Variants in KCTD19 observed in about 807,000 individuals in gnomAD.
The protein encoded by KCTD19 is BTB/POZ domain-containing protein KCTD19.
In KCTD19, 67 loss-of-function variants were observed where a neutral mutation model predicts 103.5. The ratio of observed to expected loss-of-function variants is 0.65; its 90% CI spans 0.53 to 0.79. The LOEUF is 0.79. KCTD19 is among the 30% of genes least tolerant of loss of function. KCTD19 has a pLI of 0.00. For synonymous variants in KCTD19, 439 were observed against 452.2 expected, an observed-to-expected ratio of 0.97 and a Z score of 0.37; for missense variants, 980 against 1,136.1, an observed-to-expected ratio of 0.86 and a Z score of 1.98.
At chr16:67,289,781 G>T (rs551208049) in intron 15 of KCTD19, 99 bp from the exon 16 acceptor site, 2 of 815,136 alleles carry the variant, frequency 2.5e-6, no homozygotes, top group East Asian at 2.6e-5. Context: ...GACAGGGCAA[G>T]CCCGGCTGTT....
intron 14 of KCTD19, 24 bp from the exon 15 acceptor site, chr16:67,291,010 G>A (rs1376718460): frequency 6.2e-7 from 1 of 1,610,542 alleles, no homozygotes; most frequent in Non-Finnish European, 8.5e-7. Context: ...CCACAGTCAG[G>A]CAGTGCTAGG....
chr16:67,297,892 G>A (rs2036784985), intron 6 of KCTD19, among the ~76,000 whole-genome samples: 2 of 152,006 alleles, frequency 1.3e-5, no homozygotes, highest in African/African-American at 4.8e-5. Context: ...CCAGGTTCAA[G>A]CAATTCTCCT....
intron 4 of KCTD19, chr16:67,302,773 G>A (rs2036848248): frequency 8.8e-6 from 2 of 227,668 alleles, no homozygotes; most frequent in Non-Finnish European, 1.7e-5. Context: ...TCATTTTATG[G>A]TGAGAGGAAC....
Position 67,290,908 on chromosome 16 carries a change from C to T in KCTD19, c.2644G>A (p.Glu882Lys), listed in dbSNP as rs1210488903. 1 of 1,613,880 alleles carries T rather than the reference C, an allele frequency of 6.2e-7. No homozygotes were observed. The highest frequency in any genetic ancestry group is 2.2e-5 in the East Asian group (1 of 44,876). ...ACCTCCACCCAGCTGTACAGGCGCT[C>T]CTGGGTGTGCCGGTCATCCTTGAAG... ...TGFKDDRHTQ[E>K]RLYSWVELTL... The change falls in exon 15 of 16, where the codon GAG becomes AAG. Residue 882 changes from glutamate (E) to lysine (K), a missense_variant. Physicochemically the swap from Glu to Lys is moderately conservative, Grantham distance 56. Transcript: ENST00000304372.
chr16:67,295,392 A>G lies in KCTD19; in HGVS notation c.1262T>C (p.Leu421Pro). The change falls in exon 9 of 16, where the codon CTG becomes CCG. Residue 421 changes from leucine (L) to proline (P), a missense_variant. Physicochemically the swap from Leu to Pro is moderately conservative, Grantham distance 98 (BLOSUM62 -3). Coordinates refer to ENST00000304372, the MANE Select transcript of KCTD19 (RefSeq NM_001100915.3). ...LQTLLKYPEL[L>P]SNPQRVYWIT... Reference sequence around the variant, plus strand: ...CCAGTACACTCTCTGAGGGTTGGACAGCAGTTCTGGATACTGGAGGGGGTT... The same window carrying G: ...CCAGTACACTCTCTGAGGGTTGGACGGCAGTTCTGGATACTGGAGGGGGTT... 1 of 1,612,862 alleles carries G rather than the reference A, an allele frequency of 6.2e-7. No homozygotes were observed. The highest frequency in any genetic ancestry group is 1.7e-5 in the Admixed American group (1 of 59,996).
chr16:67,291,496 C>T, intron 13 of KCTD19, 33 bp from the exon 14 acceptor site: 1 of 1,605,834 alleles, frequency 6.2e-7, no homozygotes, highest in Non-Finnish European at 8.5e-7. Context: ...GTGGCCACAT[C>T]TGTCAATAGC....
Position 67,326,703 on chromosome 16 carries a change from A to G in KCTD19, c.3+2T>C. On this transcript the variant is annotated splice_donor_variant, in intron 1 of 15. Transcript: ENST00000304372. LOFTEE classifies it high-confidence loss of function. ...GCGCCCCCGCCAGAGCGGGCTCCGTACCATGGTCGCGGCTCCAGCAGCGGG... is the reference window on the plus strand; with the variant it reads ...GCGCCCCCGCCAGAGCGGGCTCCGTGCCATGGTCGCGGCTCCAGCAGCGGG... 1 of 1,578,684 alleles carries G rather than the reference A, an allele frequency of 6.3e-7. No homozygotes were observed. The highest frequency in any genetic ancestry group is 8.6e-7 in the Non-Finnish European group (1 of 1,167,242).
Position 67,293,941 on chromosome 16 carries a change from G to A in KCTD19, c.1821C>T (p.Ser607=). 6.2e-7 allele frequency: 1 copy of A among 1,614,098 alleles called. No homozygotes were observed. The highest frequency in any genetic ancestry group is 8.5e-7 in the Non-Finnish European group (1 of 1,180,014). The change falls in exon 12 of 16, where the codon AGC becomes AGT. Residue 607 remains serine, a synonymous_variant. Coordinates refer to ENST00000304372, the MANE Select transcript of KCTD19 (RefSeq NM_001100915.3). This position sits in a 1 kb window ranked among gnomAD's most constrained non-coding sequence, Gnocchi z 4.0. ...TTGTGGTGCATTTCTTCTTTGGGGG[G>A]CTCTCAGGGTGGCTCCCCCAGTGTC... ...NPGHWGSHPE[S]PPKKKCTTIN...
intron 14 of KCTD19, 98 bp from the exon 15 acceptor site, chr16:67,291,084 G>C (rs2036685617): frequency 8.2e-6 from 11 of 1,344,556 alleles, no homozygotes; most frequent in South Asian, 6.5e-5. Context: ...CAGAGCCACA[G>C]GGGTAGGGGG....
At position 67,291,787 on chromosome 16, in the gene KCTD19, G is replaced by C. The variant is rs933270356; in HGVS notation, c.2269C>G (p.Leu757Val). 6.2e-7 allele frequency: 1 copy of C among 1,614,020 alleles called. No homozygotes were observed. The highest frequency in any genetic ancestry group is 1.7e-5 in the Admixed American group (1 of 60,020). ...PLPEASEVDS[L>V]GVILKVTHPP... ...TGAGTCACTTTGAGGATAACCCCTA[G>C]GCTGTCCACCTCACTGGCCTCGGGC... The change falls in exon 13 of 16, where the codon CTA becomes GTA. Residue 757 changes from leucine (L) to valine (V), a missense_variant. Coordinates refer to ENST00000304372, the MANE Select transcript of KCTD19 (RefSeq NM_001100915.3).
chr16:67,318,239 T>C (rs1469168878), intron 2 of KCTD19, among the ~76,000 whole-genome samples: 1 of 152,164 alleles, frequency 6.6e-6, no homozygotes, highest in African/African-American at 2.4e-5. Flanking sequence ...GACCAACCCA[T>C]TGGCTTCTGA....
At chr16:67,295,234 T>G (rs192549443) in intron 9 of KCTD19, 29 bp downstream of exon 9, 18,341 of 1,610,702 alleles carry the variant, frequency 0.011, 135 homozygotes, top group Non-Finnish European at 0.013. Flanking sequence ...CTTCGTGATT[T>G]CATCTTACTG....
intron 2 of KCTD19, among the ~76,000 whole-genome samples, chr16:67,308,118 C>T (rs188032022): frequency 1.4e-3 from 209 of 150,318 alleles, no homozygotes; most frequent in Non-Finnish European, 2.4e-3. Flanking sequence ...TTTCTTCCTT[C>T]CTTCCTTCCT....
intron 11 of KCTD19, 95 bp from the exon 12 acceptor site, chr16:67,294,266 T>A: frequency 1.5e-6 from 2 of 1,296,538 alleles, no homozygotes; most frequent in Non-Finnish European, 2.1e-6. Flanking sequence ...AAGACTTCAC[T>A]TGCTCTCCCT....
chr16:67,306,369 G>C (rs1015162215), intron 2 of KCTD19, among the ~76,000 whole-genome samples: 7 of 152,158 alleles, frequency 4.6e-5, no homozygotes, highest in Admixed American at 4.6e-4. Context: ...GGGTTCAAGT[G>C]ATTCTCCTGC....
intron 3 of KCTD19, 141 bp downstream of exon 3, chr16:67,304,280 G>A: frequency 1.2e-6 from 1 of 805,688 alleles, no homozygotes; most frequent in Admixed American, 2.2e-5. Flanking sequence ...GCCTGTGGCA[G>A]GGCAGAAGAT....
Position 67,294,710 on chromosome 16 carries a change from G to A in KCTD19, c.1476-16C>T. ...AGTCCATGACCTGCAGAAACCAAGAGGGGTTGGTTAGTGAGTAGAGACTTC... is the reference window on the plus strand; with the variant it reads ...AGTCCATGACCTGCAGAAACCAAGAAGGGTTGGTTAGTGAGTAGAGACTTC... On this transcript the variant is annotated splice_polypyrimidine_tract_variant and intron_variant, in intron 10 of 15. Transcript: ENST00000304372. 6.4e-7 allele frequency: 1 copy of A among 1,572,928 alleles called. No individual in the cohort carries two copies. Among genetic ancestry groups the A allele is most frequent in the South Asian group, 1.1e-5 (1 of 90,270 alleles).
At chr16:67,317,925 C>G (rs2037029998) in intron 2 of KCTD19, among the ~76,000 whole-genome samples, 1 of 152,124 alleles carries the variant, frequency 6.6e-6, no homozygotes, top group South Asian at 2.1e-4. Context: ...TCCAATTTCT[C>G]CAAGCAAAGT....
At chr16:67,318,374 C>A (rs2037034744) in intron 2 of KCTD19, among the ~76,000 whole-genome samples, 1 of 151,918 alleles carries the variant, frequency 6.6e-6, no homozygotes, top group South Asian at 2.1e-4. Context: ...CTAGCCTGGC[C>A]AACATGGTGA....
Sources: allele counts gnomAD v4.1 joint callset (sites outside exome capture counted in the v4.1 genomes callset), GRCh38; gene constraint gnomAD v4.1.1; non-coding constraint Gnocchi (gnomAD v3.1); transcripts MANE v1.5; gene names NCBI Gene and HGNC (gene_info 2026-07-23, HGNC 2026-07-21).